The following MAF variants were observed in gnomAD, a reference collection of about 807,000 sequenced individuals.
The protein encoded by MAF is transcription factor Maf.
In MAF, 10 loss-of-function variants were observed where a neutral mutation model predicts 22.0. That is an observed-to-expected ratio of 0.45 (90% confidence interval 0.28 to 0.77). MAF has a LOEUF of 0.77. Among genes scored for constraint, MAF ranks in the 30% least tolerant of loss-of-function variants. The pLI, the probability that MAF is intolerant of heterozygous loss-of-function variation, is 0.12. For synonymous variants in MAF, 337 were observed against 255.8 expected (o/e 1.32, Z -3.03); for missense variants, 544 against 548.4 (o/e 0.99, Z 0.08).
At chr16:79,487,479 T>C in the MAF span, among the ~76,000 whole-genome samples, 1 of 152,088 alleles carries the variant, frequency 6.6e-6, no homozygotes, top group Admixed American at 6.5e-5. Flanking sequence ...AATTAAAAAA[T>C]TAAGTAAAAG....
chr16:79,259,185 G>A, the MAF span, among the ~76,000 whole-genome samples: 87,897 of 152,002 alleles, frequency 0.58, 26,437 homozygotes, highest in Non-Finnish European at 0.67. Flanking sequence ...CGAATCCTCC[G>A]TGACTTACCT....
the MAF span, among the ~76,000 whole-genome samples, chr16:79,399,760 G>C: frequency 6.6e-6 from 1 of 152,132 alleles, no homozygotes; most frequent in Non-Finnish European, 1.5e-5. Context: ...CTGGCTATCA[G>C]GTAGAAGGGG....
the MAF span, chr16:79,211,467 C>G: frequency 1.9e-6 from 2 of 1,033,230 alleles, no homozygotes; most frequent in African/African-American, 1.6e-5. Flanking sequence ...TGCTTTCAGC[C>G]CAGTACCCTT....
chr16:79,574,275 C>T, the MAF span, among the ~76,000 whole-genome samples: 1 of 152,162 alleles, frequency 6.6e-6, no homozygotes, highest in Non-Finnish European at 1.5e-5. Flanking sequence ...CACCATTTTC[C>T]CTCAGTCCTG....
chr16:79,309,971 G>A, the MAF span, among the ~76,000 whole-genome samples: 4 of 152,166 alleles, frequency 2.6e-5, no homozygotes, highest in African/African-American at 7.2e-5. Context: ...TGACATTACT[G>A]TAACTTACAC....
At chr16:79,538,874 AGAAAGAAAG>A in the MAF span, among the ~76,000 whole-genome samples, 2 of 35,084 alleles carry the variant, frequency 5.7e-5, no homozygotes, top group Non-Finnish European at 2.2e-4. Context: ...AGAAAAGAAA[AGAAAGAAAG>A]AAAGAAAGAA....
chr16:79,445,905 G>C, the MAF span, among the ~76,000 whole-genome samples: 1 of 152,176 alleles, frequency 6.6e-6, no homozygotes, highest in Non-Finnish European at 1.5e-5. Flanking sequence ...CTTTTGAGCA[G>C]ACCATCCTTA....
the MAF span, among the ~76,000 whole-genome samples, chr16:79,306,453 C>G: frequency 1.1e-4 from 16 of 152,092 alleles, no homozygotes; most frequent in Non-Finnish European, 1.3e-4. Context: ...CAGGGTAAGC[C>G]CCTGACCCAC....
the MAF span, among the ~76,000 whole-genome samples, chr16:79,251,538 A>G: frequency 0.44 from 66,567 of 151,898 alleles, 17,142 homozygotes; most frequent in Non-Finnish European, 0.6. Context: ...GTTGGTCTCG[A>G]ACTCCTGACC....
the MAF span, among the ~76,000 whole-genome samples, chr16:79,385,598 GTTAA>G: frequency 3.9e-5 from 6 of 152,272 alleles, no homozygotes; most frequent in East Asian, 7.7e-4. Context: ...TTAAAAGTTT[GTTAA>G]TTAATAGCTG....
chr16:79,314,344 C>A, the MAF span, among the ~76,000 whole-genome samples: 2 of 152,164 alleles, frequency 1.3e-5, no homozygotes, highest in East Asian at 3.8e-4. Flanking sequence ...CATAAGTACC[C>A]CAGGGCTCTT....
chr16:79,520,228 T>A, the MAF span, among the ~76,000 whole-genome samples: 1 of 152,154 alleles, frequency 6.6e-6, no homozygotes, highest in Non-Finnish European at 1.5e-5. Flanking sequence ...TCTTATATAA[T>A]TCAGATCAAC....
chr16:79,495,779 G>A, the MAF span, among the ~76,000 whole-genome samples: 3 of 152,156 alleles, frequency 2.0e-5, no homozygotes, highest in African/African-American at 7.2e-5. Flanking sequence ...GCAAGGAGCA[G>A]AAACAGTCTC....
chr16:79,347,745 C>G, the MAF span, among the ~76,000 whole-genome samples: 2 of 152,138 alleles, frequency 1.3e-5, no homozygotes, highest in Non-Finnish European at 2.9e-5. Context: ...GTGGCACAAC[C>G]CGGGCCAAGA....
chr16:79,371,582 C>G, the MAF span, among the ~76,000 whole-genome samples: 1 of 152,160 alleles, frequency 6.6e-6, no homozygotes, highest in East Asian at 1.9e-4. Flanking sequence ...ATACACACAC[C>G]AAGCTCTTTC....
At chr16:79,383,807 G>T in the MAF span, among the ~76,000 whole-genome samples, 1 of 152,078 alleles carries the variant, frequency 6.6e-6, no homozygotes, top group Non-Finnish European at 1.5e-5. Flanking sequence ...AAGTGAGAAG[G>T]CTATCAGAAT....
At chr16:79,212,076 G>T in the MAF span, 14 of 1,536,300 alleles carry the variant, frequency 9.1e-6, no homozygotes, top group South Asian at 2.4e-5. Flanking sequence ...TGTAGGTTCC[G>T]TATCTCCCTG....
the MAF span, among the ~76,000 whole-genome samples, chr16:79,242,871 A>G: frequency 6.6e-6 from 1 of 152,102 alleles, no homozygotes; most frequent in African/African-American, 2.4e-5. Flanking sequence ...CAGTGCAATC[A>G]AATTAGAACT....
At chr16:79,532,509 A>T in the MAF span, among the ~76,000 whole-genome samples, 2 of 152,250 alleles carry the variant, frequency 1.3e-5, no homozygotes, top group East Asian at 3.8e-4. Context: ...TCAGTAGCCA[A>T]ATGGACTGTT....
Sources: gnomAD v4.1 joint callset for allele counts (sites outside exome capture counted in the v4.1 genomes callset) on GRCh38, gnomAD v4.1.1 for gene constraint, MANE v1.5 for transcripts, NCBI Gene and HGNC (gene_info 2026-07-23, HGNC 2026-07-21) for gene names.